BCAR1: variants seen among roughly 807,000 people sequenced by gnomAD.
BCAR1 encodes BCAR1 scaffold protein, Cas family member, also known as breast cancer anti-estrogen resistance protein 1.
Under a neutral mutation model 67.6 loss-of-function variants are expected in BCAR1, and 30 were observed. The ratio of observed to expected loss-of-function variants is 0.44; its 90% CI spans 0.33 to 0.60. BCAR1 has a LOEUF of 0.60. Among genes scored for constraint, BCAR1 ranks in the 20% least tolerant of loss-of-function variants. The pLI is 0.02. For synonymous variants in BCAR1, 626 were observed against 556.7 expected (o/e 1.12, Z -1.75); for missense variants, 1,313 against 1,222.3 (o/e 1.07, Z -1.11).
Position 75,243,093 on chromosome 16 carries a change from G to A in BCAR1, c.13-3C>T, listed in dbSNP as rs2077407998. The A allele has an allele frequency of 3.8e-6, 6 of 1,578,512 alleles. No homozygotes were observed. Among genetic ancestry groups the A allele is most frequent in the South Asian group, 1.2e-5 (1 of 85,530 alleles). ...TAGAGCGCTTTGGCCAGCACGTTCT[G>A]GGGAGAGAGGACACAGGTGTGAGAA... On this transcript the variant is annotated splice_polypyrimidine_tract_variant and splice_region_variant and intron_variant, in intron 1 of 6. Transcript: ENST00000162330.
intron 1 of BCAR1, among the ~76,000 whole-genome samples, chr16:75,244,906 C>G (rs2077468016): frequency 6.6e-6 from 1 of 152,216 alleles, no homozygotes; most frequent in Non-Finnish European, 1.5e-5. Context: ...AAGAGAGGGT[C>G]AGGAAGACAC....
intron 2 of BCAR1, among the ~76,000 whole-genome samples, chr16:75,242,010 A>C (rs114411353): frequency 5.9e-5 from 9 of 152,134 alleles, no homozygotes; most frequent in African/African-American, 2.2e-4. Flanking sequence ...AGCATGTTCC[A>C]TAAGTGGAGA....
rs1172464998 is a variant in BCAR1, at chr16:75,228,482, G to C, written c.*1029C>G. On this transcript the variant is annotated 3_prime_UTR_variant, in exon 7 of 7. Coordinates refer to ENST00000162330, the MANE Select transcript of BCAR1 (RefSeq NM_014567.5). ...GGGAGCCACGAAGGGGGACACACTT[G>C]CCCAGGGCAAGGGTCTTCTCCAAGC... The C allele has an allele frequency of 6.6e-6, 1 of 152,382 alleles. No homozygotes were observed. The highest frequency in any genetic ancestry group is 1.9e-4 in the East Asian group (1 of 5,202). 9.4% of individuals were successfully genotyped at this position (152,382 alleles called of 1,614,324 possible).
Position 75,230,030 on chromosome 16 carries a change from C to T in BCAR1, c.2101-7G>A. 6.6e-7 allele frequency: 1 copy of T among 1,525,302 alleles called. No homozygotes were observed. The highest frequency in any genetic ancestry group is 8.8e-7 in the Non-Finnish European group (1 of 1,135,378). The allele number at this position is 1,525,302 out of a possible 1,614,324, so 94.5% of individuals were successfully genotyped here. On this transcript the variant is annotated splice_region_variant and splice_polypyrimidine_tract_variant and intron_variant, in intron 6 of 6. Coordinates refer to ENST00000162330, the MANE Select transcript of BCAR1 (RefSeq NM_014567.5). ...GTCGTTCAAACTGCTTCAGCTGGGGCAGGAGGGAAGCAGGAGCAGGGTTAG... is the reference window on the plus strand; with the variant it reads ...GTCGTTCAAACTGCTTCAGCTGGGGTAGGAGGGAAGCAGGAGCAGGGTTAG...
At chr16:75,234,242 C>T (rs537289485) in intron 5 of BCAR1, among the ~76,000 whole-genome samples, 1 of 151,892 alleles carries the variant, frequency 6.6e-6, no homozygotes, top group African/African-American at 2.4e-5. Context: ...CCCCCCCAGG[C>T]TGGCACATGC....
chr16:75,248,233 A>C (rs1021380867), intron 1 of BCAR1: 3 of 1,523,918 alleles, frequency 2.0e-6, no homozygotes, highest in African/African-American at 2.8e-5. Flanking sequence ...GAAATGTCAC[A>C]GGCCTTTCCC....
intron 6 of BCAR1, among the ~76,000 whole-genome samples, chr16:75,232,884 G>A (rs1451777235): frequency 1.3e-5 from 2 of 152,222 alleles, no homozygotes; most frequent in Non-Finnish European, 2.9e-5. Context: ...CCAGAAGGTA[G>A]GCGAGGGAGA....
At chr16:75,237,091 C>A (rs1038833263) in intron 3 of BCAR1, 92 bp downstream of exon 3, 4 of 1,509,226 alleles carry the variant, frequency 2.7e-6, no homozygotes, top group Admixed American at 4.3e-5. Context: ...CAGGCCTGGC[C>A]GGGGCTGAGA....
chr16:75,258,116 A>C (rs1182608306), intron 1 of BCAR1, among the ~76,000 whole-genome samples: 4 of 152,134 alleles, frequency 2.6e-5, no homozygotes, highest in East Asian at 1.9e-4. Flanking sequence ...GCGCCATCAC[A>C]CACTGGCCCC....
chr16:75,236,164 A>ACG (rs2077127058), intron 4 of BCAR1, 178 bp from the exon 5 acceptor site: 1 of 700,848 alleles, frequency 1.4e-6, no homozygotes, highest in Admixed American at 3.1e-5. Context: ...AGGCACACAC[A>ACG]CGCGCACACA....
At chr16:75,253,615 T>C (rs1351645660), upstream of BCAR1, among the ~76,000 whole-genome samples, 1 of 151,994 alleles carries the variant, frequency 6.6e-6, no homozygotes, top group Non-Finnish European at 1.5e-5. Context: ...ACACAGGCAT[T>C]TCAAAAATTT....
rs1232641680 is a variant in BCAR1 at position 75,238,226 on chromosome 16, T to C, written c.634-882A>G. 4 of 1,182,812 alleles carry C rather than the reference T, an allele frequency of 3.4e-6. No homozygotes were observed. In the Admixed American group the frequency reaches 1.4e-4, roughly 42 times the overall value. The allele number at this position is 1,182,812 out of a possible 1,614,324, so 73.3% of individuals were successfully genotyped here. A position where few individuals can be genotyped will look rare whatever the true frequency, so the allele number is the denominator to read the frequency against. On this transcript the variant is annotated intron_variant, in intron 2 of 6. Transcript: ENST00000162330. ...GTAGGGGCCATGCCAGGCAGCCTCC[T>C]TCCCTGAAGGTCTCCCTGCCTTGGG...
At chr16:75,238,717 C>T (rs1277789470) in intron 2 of BCAR1, 7 of 985,446 alleles carry the variant, frequency 7.1e-6, no homozygotes, top group South Asian at 9.4e-5. Flanking sequence ...GTGGATTTGG[C>T]GGCTGCCTCT....
rs1402173373 is a variant in BCAR1 at position 75,245,336 on chromosome 16, T to C, written c.13-2246A>G. Among the ~76,000 whole-genome samples, 4 of 152,232 alleles carry C rather than the reference T, an allele frequency of 2.6e-5. No individual in the cohort carries two copies. The South Asian group carries it at 6.2e-4, about 24-fold the overall frequency. ...GCCAGCAGAGTGAGTCACAGGAAAA[T>C]TCCCCTCCAGCCAAGTCAGAGAAGG... is the stretch of plus-strand genomic sequence containing the variant. On this transcript the variant is annotated intron_variant, in intron 1 of 6. Coordinates refer to ENST00000162330, the MANE Select transcript of BCAR1 (RefSeq NM_014567.5).
At position 75,235,439 on chromosome 16, in the gene BCAR1, G is replaced by A; in HGVS notation, c.1460C>T (p.Thr487Ile). The part of the protein sequence containing the change: ...LLDLAGSAGA[T>I]GSWRSPSEPQ... ...CTCAGAGGGGCTACGCCAGCTCCCA[G>A]TCGCACCGGCGCTGCCTGCCAGGTC... is the stretch of plus-strand genomic sequence containing the variant. The change falls in exon 5 of 7, where the codon ACT (threonine) becomes ATT (isoleucine). Residue 487 changes from threonine to isoleucine, a missense_variant. Coordinates refer to ENST00000162330, the MANE Select transcript of BCAR1 (RefSeq NM_014567.5). 1 of 1,608,236 alleles carries A rather than the reference G, an allele frequency of 6.2e-7. No homozygotes were observed. The highest frequency in any genetic ancestry group is 8.5e-7 in the Non-Finnish European group (1 of 1,179,216).
In BCAR1 at chr16:75,237,967, T is replaced by G. The variant is rs563351516; in HGVS notation, c.634-623A>C. ...CGCAGCAGCTGGGACCAAGGCCCCC[T>G]CCCTGCCGCGCCTGCCCCGGGGGAG... On this transcript the variant is annotated intron_variant, in intron 2 of 6. Transcript: ENST00000162330. The G allele has an allele frequency of 6.8e-6, 8 of 1,181,038 alleles. No homozygotes were observed. The Admixed American group carries it at 1.2e-4, about 17-fold the overall frequency. The allele number at this position is 1,181,038 out of a possible 1,614,324, so 73.2% of individuals were successfully genotyped here. A position where few individuals can be genotyped will look rare whatever the true frequency, so the allele number is the denominator to read the frequency against.
chr16:75,234,796 A>G, intron 5 of BCAR1, 93 bp downstream of exon 5: 2 of 1,485,760 alleles, frequency 1.3e-6, no homozygotes, highest in East Asian at 2.3e-5. Context: ...GGGCCTTGCC[A>G]GGGACCAGGC....
chr16:75,251,331 A>G, intron 1 of BCAR1, 140 bp downstream of exon 1: 1 of 1,194,460 alleles, frequency 8.4e-7, no homozygotes, highest in Non-Finnish European at 1.1e-6. Context: ...CCAGGGCAGA[A>G]GGAGATCCCA....
intron 2 of BCAR1, chr16:75,237,987 G>A (rs889973849): frequency 7.9e-7 from 1 of 1,264,502 alleles, no homozygotes; most frequent in Non-Finnish European, 1.0e-6. Context: ...GCCTGCCCCG[G>A]GGGAGCTGCC....
Sources: gnomAD v4.1 joint callset for allele counts (sites outside exome capture counted in the v4.1 genomes callset) on GRCh38, gnomAD v4.1.1 for gene constraint, MANE v1.5 for transcripts, NCBI Gene and HGNC (gene_info 2026-07-23, HGNC 2026-07-21) for gene names.